TBC1D22B: variants seen among roughly 807,000 people sequenced by gnomAD.
The protein encoded by TBC1D22B is TBC1 domain family member 22B, also known as chromosome 6 open reading frame 197.
In TBC1D22B, 32 loss-of-function variants were observed where a neutral mutation model predicts 69.1. That is an observed-to-expected ratio of 0.46 (90% CI 0.35 to 0.62). The LOEUF is 0.62. Ranked by LOEUF, TBC1D22B falls within the 20% of genes least tolerant of loss-of-function variation. The pLI is 0.00. For synonymous variants in TBC1D22B, 206 were observed against 229.8 expected (o/e 0.90, Z 0.94); for missense variants, 462 against 630.9 (o/e 0.73, Z 2.87).
intron 1 of TBC1D22B, among the ~76,000 whole-genome samples, chr6:37,262,939 G>C (rs1311365700): frequency 1.3e-5 from 2 of 152,204 alleles, no homozygotes; most frequent in Non-Finnish European, 2.9e-5. Flanking sequence ...GAGAGTGACG[G>C]AGATTAATCA....
intron 2 of TBC1D22B, among the ~76,000 whole-genome samples, chr6:37,270,802 G>A (rs1252767878): frequency 6.6e-6 from 1 of 152,160 alleles, no homozygotes; most frequent in African/African-American, 2.4e-5. Flanking sequence ...TCTTCCTGGG[G>A]CCTGTGTATT....
chr6:37,291,404 T>C (rs1427934319), intron 8 of TBC1D22B, 47 bp downstream of exon 8: 2 of 1,332,074 alleles, frequency 1.5e-6, no homozygotes, highest in Non-Finnish European at 2.1e-6. Context: ...CTCTTTCTTA[T>C]CTGCCGTCTG....
intron 8 of TBC1D22B, among the ~76,000 whole-genome samples, chr6:37,304,717 C>G (rs1278798393): frequency 6.6e-6 from 1 of 151,982 alleles, no homozygotes; most frequent in African/African-American, 2.4e-5. Flanking sequence ...AAACCATAGA[C>G]ATAAACATGT....
rs1768413413 is a variant in TBC1D22B, at chr6:37,326,655, GCT to G, written c.1390-4387_1390-4386del. Among the ~76,000 whole-genome samples, 14 of 152,120 alleles carry G rather than the reference GCT, an allele frequency of 9.2e-5. No homozygotes were observed. In the South Asian group the frequency reaches 2.7e-3, roughly 29 times the overall value. ...AAAAAACAATTAACCAGGCATGGTG[GCT>G]CATGCCTGTAGTCCCAGCTACTCAG... On this transcript the variant is annotated intron_variant, in intron 12 of 12. Transcript: ENST00000373491.
At position 37,263,940 on chromosome 6, in the gene TBC1D22B, G is replaced by T. The variant is rs568685842; in HGVS notation, c.57-5654G>T. 5.3e-5 allele frequency among the ~76,000 whole-genome samples: 8 copies of T among 152,260 alleles called. No individual in the cohort carries two copies. In the East Asian group the frequency reaches 1.5e-3, roughly 29 times the overall value. ...AATGTTAACATTTGTAAATCAGAGT[G>T]ATGGGTTTGTGGATGTTTATTATAT... On this transcript the variant is annotated intron_variant, in intron 1 of 12. Coordinates refer to ENST00000373491, the MANE Select transcript of TBC1D22B (RefSeq NM_017772.4).
In TBC1D22B at chr6:37,310,089, G is replaced by A. The variant is rs545275463; in HGVS notation, c.983-2829G>A. On this transcript the variant is annotated intron_variant, in intron 8 of 12. Coordinates refer to ENST00000373491, the MANE Select transcript of TBC1D22B (RefSeq NM_017772.4). ...TGTATAATTATATTTAAATATATGT[G>A]AAATATAATTTTATATATAATTATA... Among the ~76,000 whole-genome samples the A allele has an allele frequency of 4.2e-5, 6 of 143,924 alleles. No individual in the cohort carries two copies. The South Asian group carries it at 1.1e-3, about 26-fold the overall frequency. The allele number at this position is 143,924 out of a possible 152,430, so 94.4% of individuals were successfully genotyped here. A position where few individuals can be genotyped will look rare whatever the true frequency, so the allele number is the denominator to read the frequency against.
At chr6:37,267,406 TAA>T (rs1766326101) in intron 1 of TBC1D22B, among the ~76,000 whole-genome samples, 1 of 138,664 alleles carries the variant, frequency 7.2e-6, no homozygotes, top group Non-Finnish European at 1.5e-5. Flanking sequence ...CACACATATA[TAA>T]TATATATATA....
intron 8 of TBC1D22B, among the ~76,000 whole-genome samples, chr6:37,291,779 C>T (rs1767195249): frequency 6.6e-6 from 1 of 152,174 alleles, no homozygotes; most frequent in Non-Finnish European, 1.5e-5. Context: ...ATTGTGGCAC[C>T]AGAACACAGC....
chr6:37,258,201 G>T (rs1028580385), intron 1 of TBC1D22B: 1 of 559,608 alleles, frequency 1.8e-6, no homozygotes, highest in African/African-American at 1.9e-5. Flanking sequence ...GTTTCAGGAG[G>T]GGTGACCTCA....
intron 8 of TBC1D22B, among the ~76,000 whole-genome samples, chr6:37,292,250 T>C (rs911065323): frequency 6.6e-5 from 10 of 151,792 alleles, no homozygotes; most frequent in Admixed American, 5.9e-4. Context: ...TGATTGTGGT[T>C]TTTGGAGGAA....
chr6:37,277,931 C>G (rs1204734941), intron 2 of TBC1D22B, among the ~76,000 whole-genome samples: 1 of 151,392 alleles, frequency 6.6e-6, no homozygotes, highest in African/African-American at 2.4e-5. Context: ...GAGTTTGAGA[C>G]TAGCGAGAGC....
intron 8 of TBC1D22B, among the ~76,000 whole-genome samples, chr6:37,291,627 T>C (rs1767187188): frequency 6.6e-6 from 1 of 152,224 alleles, no homozygotes; most frequent in Non-Finnish European, 1.5e-5. Context: ...TATTTGAGAT[T>C]ATTTTAGGAT....
At chr6:37,317,908 T>C (rs1768128275) in intron 12 of TBC1D22B, among the ~76,000 whole-genome samples, 1 of 152,124 alleles carries the variant, frequency 6.6e-6, no homozygotes, top group Non-Finnish European at 1.5e-5. Context: ...GTCACTGGTG[T>C]GGCCTGGAGC....
intron 8 of TBC1D22B, among the ~76,000 whole-genome samples, chr6:37,302,490 CA>C (rs1355078514): frequency 6.6e-6 from 1 of 152,184 alleles, no homozygotes; most frequent in Non-Finnish European, 1.5e-5. Context: ...ACAGGAACAA[CA>C]GAAGTGATTC....
chr6:37,263,549 T>A (rs1766176597), intron 1 of TBC1D22B, among the ~76,000 whole-genome samples: 1 of 152,214 alleles, frequency 6.6e-6, no homozygotes, highest in African/African-American at 2.4e-5. Context: ...GGACTGCAAT[T>A]AGGGCATCAG....
At chr6:37,299,269 C>A (rs986985201) in intron 8 of TBC1D22B, among the ~76,000 whole-genome samples, 1 of 152,102 alleles carries the variant, frequency 6.6e-6, no homozygotes, top group Non-Finnish European at 1.5e-5. Flanking sequence ...ATTGACCTGT[C>A]TTGTTTTGTA....
chr6:37,276,031 T>C (rs992630011), intron 2 of TBC1D22B, among the ~76,000 whole-genome samples: 8 of 151,298 alleles, frequency 5.3e-5, no homozygotes, highest in Non-Finnish European at 1.0e-4. Context: ...GTGGCACAAT[T>C]ATGGCTCACT....
intron 8 of TBC1D22B, among the ~76,000 whole-genome samples, chr6:37,304,990 A>G (rs909882939): frequency 6.6e-6 from 1 of 152,196 alleles, no homozygotes; most frequent in African/African-American, 2.4e-5. Flanking sequence ...TGAGGAGATG[A>G]CATTTGAGCA....
chr6:37,323,156 G>T (rs189173957), intron 12 of TBC1D22B, among the ~76,000 whole-genome samples: 71 of 152,274 alleles, frequency 4.7e-4, no homozygotes, highest in Middle Eastern at 3.4e-3. Flanking sequence ...CGCCAGCAAG[G>T]CCTCAGAGGG....
Sources: gnomAD v4.1 joint callset for allele counts (sites outside exome capture counted in the v4.1 genomes callset) on GRCh38, gnomAD v4.1.1 for gene constraint, MANE v1.5 for transcripts, NCBI Gene and HGNC (gene_info 2026-07-23, HGNC 2026-07-21) for gene names.